Variants in NAALADL2 observed in about 807,000 individuals in gnomAD.
NAALADL2 encodes inactive N-acetylated-alpha-linked acidic dipeptidase-like protein 2.
Under a neutral mutation model 87.2 loss-of-function variants are expected in NAALADL2, and 76 were observed. The observed-to-expected ratio is 0.87, with a 90% CI of 0.72 to 1.05. The LOEUF is 1.05. NAALADL2 is among the 50% of genes least tolerant of loss of function. The pLI, the probability that NAALADL2 is intolerant of heterozygous loss-of-function variation, is 0.00. For missense variants in NAALADL2, 1,089 were observed against 945.8 expected, an observed-to-expected ratio of 1.15 and a Z score of -1.99; for synonymous variants, 354 against 331.0, an observed-to-expected ratio of 1.07 and a Z score of -0.75.
intron 1 of NAALADL2, among the ~76,000 whole-genome samples, chr3:174,506,183 C>CT (rs58179047): frequency 0.021 from 2,924 of 141,122 alleles, 76 homozygotes; most frequent in African/African-American, 0.062. Flanking sequence ...TGGTTTATAT[C>CT]TTTTTTTTTT....
At chr3:175,788,773 A>C (rs568132487) in intron 13 of NAALADL2, among the ~76,000 whole-genome samples, 1 of 152,028 alleles carries the variant, frequency 6.6e-6, no homozygotes, top group Admixed American at 6.5e-5. Flanking sequence ...CAATGTTGAA[A>C]TCTTACTCAA....
At chr3:175,268,101 C>G (rs973796890) in intron 4 of NAALADL2, among the ~76,000 whole-genome samples, 2 of 152,090 alleles carry the variant, frequency 1.3e-5, no homozygotes, top group Non-Finnish European at 2.9e-5. Context: ...TCAGAAATGC[C>G]TCATTAGATG....
At chr3:174,590,512 T>TAG (rs1034230452) in intron 2 of NAALADL2, among the ~76,000 whole-genome samples, 36 of 152,312 alleles carry the variant, frequency 2.4e-4, no homozygotes, top group Admixed American at 1.9e-3. Flanking sequence ...TTTTTACTGA[T>TAG]AGATTTTGTC....
intron 2 of NAALADL2, among the ~76,000 whole-genome samples, chr3:175,109,118 G>C (rs9835380): frequency 0.14 from 21,379 of 151,524 alleles, 1,622 homozygotes; most frequent in Middle Eastern, 0.19. Context: ...AATTAAAATC[G>C]CATACAAACA....
At chr3:175,595,087 AGGG>A (rs1722065614) in intron 10 of NAALADL2, among the ~76,000 whole-genome samples, 1 of 152,056 alleles carries the variant, frequency 6.6e-6, no homozygotes, top group African/African-American at 2.4e-5. Flanking sequence ...CATTGCACGA[AGGG>A]TATTTCCTAT....
intron 5 of NAALADL2, among the ~76,000 whole-genome samples, chr3:175,426,439 G>A (rs142596924): frequency 6.6e-6 from 1 of 152,180 alleles, no homozygotes; most frequent in Non-Finnish European, 1.5e-5. Context: ...CCACTTAAAG[G>A]CAAGGTTGTT....
At chr3:175,292,135 C>G (rs978716163) in intron 4 of NAALADL2, among the ~76,000 whole-genome samples, 1 of 152,144 alleles carries the variant, frequency 6.6e-6, no homozygotes, top group East Asian at 1.9e-4. Flanking sequence ...TCTTTTGGTG[C>G]GTTTGTCATT....
chr3:175,562,540 G>C (rs953580311), intron 9 of NAALADL2, among the ~76,000 whole-genome samples: 26 of 151,396 alleles, frequency 1.7e-4, no homozygotes, highest in Admixed American at 2.6e-4. Flanking sequence ...GATTTATCTT[G>C]ATTCAATTTA....
intron 1 of NAALADL2, among the ~76,000 whole-genome samples, chr3:174,442,877 C>A (rs1217276937): frequency 6.6e-6 from 1 of 152,112 alleles, no homozygotes; most frequent in Non-Finnish European, 1.5e-5. Context: ...AGACTTGAAG[C>A]AGTTGAGGGA....
chr3:174,869,711 A>G (rs976185730), intron 1 of NAALADL2, among the ~76,000 whole-genome samples: 10 of 152,246 alleles, frequency 6.6e-5, no homozygotes, highest in Non-Finnish European at 1.2e-4. Context: ...AGATAGTGTC[A>G]GTGAATGTGG....
Position 174,507,624 on chromosome 3 carries a change from C to G in NAALADL2, c.-183-42945C>G, listed in dbSNP as rs1433770380. 1.8e-4 allele frequency among the ~76,000 whole-genome samples: 24 copies of G among 133,116 alleles called. 1 individual carries two copies. In the Admixed American group the frequency reaches 1.8e-3, roughly 10 times the overall value. The allele number at this position is 133,116 out of a possible 152,430, so 87.3% of individuals were successfully genotyped here. On this transcript the variant is annotated intron_variant, in intron 1 of 3. Coordinates refer to the NAALADL2 transcript ENST00000434257. ...AACTATTGATCTGCTTTCTACACAACAGTTTTTAGGTTTTACATAAAAGAC... is the reference window on the plus strand; with the variant it reads ...AACTATTGATCTGCTTTCTACACAAGAGTTTTTAGGTTTTACATAAAAGAC...
chr3:175,465,511 A>G lies in NAALADL2; in HGVS notation c.1328-1468A>G, dbSNP rs565099548. Among the ~76,000 whole-genome samples, 5 of 122,294 alleles carry G rather than the reference A, an allele frequency of 4.1e-5. No homozygotes were observed. In the South Asian group the frequency reaches 1.2e-3, roughly 29 times the overall value. The allele number at this position is 122,294 out of a possible 152,430, so 80.2% of individuals were successfully genotyped here. On this transcript the variant is annotated intron_variant, in intron 7 of 13. Transcript: ENST00000454872. Reference sequence around the variant, plus strand: ...TTTTTTTGAGATGGAGTCTTGCTCTATCACGGGGCTGGAATGTAGTGACAC... The same window carrying G: ...TTTTTTTGAGATGGAGTCTTGCTCTGTCACGGGGCTGGAATGTAGTGACAC...
chr3:174,870,004 C>T (rs1244397699), intron 1 of NAALADL2, among the ~76,000 whole-genome samples: 3 of 120,140 alleles, frequency 2.5e-5, no homozygotes, highest in Non-Finnish European at 3.4e-5. Flanking sequence ...CGTCCCCACC[C>T]GCCAAAAAAA....
intron 2 of NAALADL2, among the ~76,000 whole-genome samples, chr3:175,210,234 A>G (rs1741568786): frequency 6.6e-6 from 1 of 151,884 alleles, no homozygotes; most frequent in Non-Finnish European, 1.5e-5. Context: ...TTGTCAGGAA[A>G]ATGAAAGGAT....
chr3:174,780,716 C>A lies in NAALADL2; in HGVS notation c.-9+42970C>A, dbSNP rs550705648. Among the ~76,000 whole-genome samples the A allele has an allele frequency of 2.0e-5, 3 of 152,136 alleles. 1 individual carries two copies. The South Asian group carries it at 6.2e-4, about 32-fold the overall frequency. On this transcript the variant is annotated intron_variant, in intron 3 of 3. Transcript: ENST00000434257. Reference sequence around the variant, plus strand: ...AGCGCTGTGGAATTTTATCAAAGGCCTTTTCTGCACCTGTTGAGATAATCA... The same window carrying A: ...AGCGCTGTGGAATTTTATCAAAGGCATTTTCTGCACCTGTTGAGATAATCA...
chr3:175,642,259 C>G (rs1321628829), intron 11 of NAALADL2, among the ~76,000 whole-genome samples: 1 of 152,100 alleles, frequency 6.6e-6, no homozygotes, highest in African/African-American at 2.4e-5. Flanking sequence ...AGAGGGTATA[C>G]ATGCTTTTGT....
At chr3:174,997,972 A>G (rs1398684169) in intron 1 of NAALADL2, among the ~76,000 whole-genome samples, 1 of 152,198 alleles carries the variant, frequency 6.6e-6, no homozygotes, top group Non-Finnish European at 1.5e-5. Flanking sequence ...CCTTAGATTA[A>G]GATTTCCTTC....
chr3:174,708,190 C>G (rs921587772), intron 2 of NAALADL2, among the ~76,000 whole-genome samples: 7 of 152,158 alleles, frequency 4.6e-5, no homozygotes, highest in Non-Finnish European at 7.4e-5. Context: ...ACCTACATCT[C>G]TACCTCCCCT....
chr3:175,377,493 T>C (rs901870990), intron 5 of NAALADL2, among the ~76,000 whole-genome samples: 2 of 152,208 alleles, frequency 1.3e-5, no homozygotes, highest in African/African-American at 4.8e-5. Flanking sequence ...GAATGTTACA[T>C]GGCTGCACAT....
Sources: allele counts gnomAD v4.1 joint callset (sites outside exome capture counted in the v4.1 genomes callset), GRCh38; gene constraint gnomAD v4.1.1; transcripts MANE v1.5; gene names NCBI Gene and HGNC (gene_info 2026-07-23, HGNC 2026-07-21).